Variants in ASF1B observed in about 807,000 individuals in gnomAD.
ASF1B encodes the protein histone chaperone ASF1B.
A neutral mutation model predicts 16.6 loss-of-function variants in ASF1B; 10 were observed. That is an observed-to-expected ratio of 0.60 (90% CI 0.37 to 1.02). The LOEUF (loss-of-function observed/expected upper bound fraction) is 1.02. ASF1B is among the 50% of genes least tolerant of loss of function. The probability of loss-of-function intolerance (pLI) is 0.01; values close to 1 mark genes in which losing one functional copy is unlikely to be tolerated. For missense variants in ASF1B, 240 were observed against 266.0 expected (o/e 0.90, Z 0.68); for synonymous variants, 101 against 106.2 (o/e 0.95, Z 0.30).
chr19:14,129,678 C>CAAAAAAAAAAA lies in ASF1B; in HGVS notation c.110-3452_110-3442dup, dbSNP rs549023648. 2.9e-4 allele frequency among the ~76,000 whole-genome samples: 10 copies of CAAAAAAAAAAA among 34,620 alleles called. 1 individual carries two copies. The highest frequency in any genetic ancestry group is 5.3e-4 in the Admixed American group (1 of 1,900). 22.7% of individuals were successfully genotyped at this position (34,620 alleles called of 152,430 possible). ...CCTGGGCAACAGAGCCAGCCTCCGTCAAAAAAAAAAAAAAAAAAAAAAAAA... is the reference window on the plus strand; with the variant it reads ...CCTGGGCAACAGAGCCAGCCTCCGTCAAAAAAAAAAAAAAAAAAAAAAAAAAAAAAAAAAAA... On this transcript the variant is annotated intron_variant, in intron 1 of 3. Transcript: ENST00000263382.
rs1481819416 is a variant in ASF1B, at chr19:14,136,280, G to A, written c.109+68C>T. 3.4e-5 allele frequency: 48 copies of A among 1,392,886 alleles called. No individual in the cohort carries two copies. The Admixed American group carries it at 6.0e-4, about 18-fold the overall frequency. The allele number at this position is 1,392,886 out of a possible 1,614,324, so 86.3% of individuals were successfully genotyped here. ...ATGGGGGAGATCAAGTTGGCCATGG[G>A]AGCGGTTCTCTGAGGGGAGGCCGGG... On this transcript the variant is annotated intron_variant, in intron 1 of 3. Coordinates refer to ENST00000263382, the MANE Select transcript of ASF1B (RefSeq NM_018154.3).
chr19:14,128,510 C>T (rs777249600), intron 1 of ASF1B, among the ~76,000 whole-genome samples: 3 of 152,142 alleles, frequency 2.0e-5, no homozygotes, highest in Non-Finnish European at 4.4e-5. Flanking sequence ...GGTCTCGGTC[C>T]GTCACCCAGG....
Position 14,126,271 on chromosome 19 carries a change from T to C in ASF1B, c.110-34A>G, listed in dbSNP as rs376931561. ...ATATAGGAGGGTTAACTAATTGAAA[T>C]AGCTCAACAGCAAGAAGGCAGGGAT... On this transcript the variant is annotated intron_variant, in intron 1 of 3. Transcript: ENST00000263382. 3 of 1,499,360 alleles carry C rather than the reference T, an allele frequency of 2.0e-6. No homozygotes were observed. In the East Asian group the frequency reaches 6.8e-5, roughly 34 times the overall value. The allele number at this position is 1,499,360 out of a possible 1,614,324, so 92.9% of individuals were successfully genotyped here.
At chr19:14,124,081 G>C (rs560178833) in intron 2 of ASF1B, among the ~76,000 whole-genome samples, 1 of 151,986 alleles carries the variant, frequency 6.6e-6, no homozygotes, top group Non-Finnish European at 1.5e-5. Flanking sequence ...TGTGAGCCAT[G>C]GCACCTGGCC....
intron 3 of ASF1B, 61 bp downstream of exon 3, chr19:14,121,471 G>C: frequency 6.5e-7 from 1 of 1,548,312 alleles, no homozygotes; most frequent in South Asian, 1.2e-5. Flanking sequence ...TTGAATGGCT[G>C]AACTCCCCCC....
chr19:14,125,727 A>AT (rs1967307807), intron 2 of ASF1B, among the ~76,000 whole-genome samples: 3 of 151,944 alleles, frequency 2.0e-5, no homozygotes, highest in Non-Finnish European at 4.4e-5. Flanking sequence ...TGATTTTTAC[A>AT]TTTTTTGTAG....
chr19:14,134,015 A>G (rs1967448205), intron 1 of ASF1B, among the ~76,000 whole-genome samples: 1 of 151,930 alleles, frequency 6.6e-6, no homozygotes, highest in Admixed American at 6.6e-5. Context: ...CGTGTTAGCC[A>G]GGATGGTCTC....
rs1599355353 is a variant in ASF1B, at chr19:14,119,981, A to G, written c.*478T>C. 6.4e-6 allele frequency: 1 copy of G among 155,844 alleles called. No individual in the cohort carries two copies. Among genetic ancestry groups the G allele is most frequent in the Admixed American group, 6.5e-5 (1 of 15,306 alleles). 9.7% of individuals were successfully genotyped at this position (155,844 alleles called of 1,614,324 possible). On this transcript the variant is annotated 3_prime_UTR_variant, in exon 4 of 4. Transcript: ENST00000263382. The stretch of plus-strand genomic sequence containing the variant: ...CAGGACAGAAATGGGATCTAAGTCT[A>G]CCTACTAACTAACATTCCCGCCTGT...
At chr19:14,134,164 C>CG (rs1333481161) in intron 1 of ASF1B, among the ~76,000 whole-genome samples, 3 of 152,122 alleles carry the variant, frequency 2.0e-5, no homozygotes, top group African/African-American at 7.2e-5. Flanking sequence ...CTCCTGCCGT[C>CG]GGGGAGCTGG....
rs552994726 is a variant in ASF1B at position 14,135,038 on chromosome 19, A to G, written c.109+1310T>C. ...CAGGAGTTCGAGACCAACCTGGCTAACATGGTGAAACGCTGCCTCCACTAA... is the reference window on the plus strand; with the variant it reads ...CAGGAGTTCGAGACCAACCTGGCTAGCATGGTGAAACGCTGCCTCCACTAA... On this transcript the variant is annotated intron_variant, in intron 1 of 3. Transcript: ENST00000263382. 9.9e-4 allele frequency among the ~76,000 whole-genome samples: 151 copies of G among 152,234 alleles called. 2 individuals carry two copies. Among genetic ancestry groups the G allele is most frequent in the African/African-American group, 3.5e-3 (146 of 41,552 alleles).
At chr19:14,127,520 G>T (rs534062710) in intron 1 of ASF1B, among the ~76,000 whole-genome samples, 10 of 152,208 alleles carry the variant, frequency 6.6e-5, no homozygotes, top group Admixed American at 1.3e-4. Flanking sequence ...GCAGGAGGGG[G>T]AAGGTGAGGT....
intron 1 of ASF1B, among the ~76,000 whole-genome samples, chr19:14,127,487 C>T (rs557561167): frequency 1.2e-3 from 184 of 152,270 alleles, no homozygotes; most frequent in Middle Eastern, 3.4e-3. Flanking sequence ...TGGCAGATTC[C>T]AATCCGGCAG....
rs1224260293 is a variant in ASF1B, at chr19:14,126,194, C to G, written c.153G>C (p.Glu51Asp). 10 of 1,613,512 alleles carry G rather than the reference C, an allele frequency of 6.2e-6. No individual in the cohort carries two copies. The highest frequency in any genetic ancestry group is 2.7e-5 in the African/African-American group (2 of 74,902). ...KIIYVGSAES[E>D]EFDQILDSVL... ...CCGAGTCTAGGATCTGATCAAATTC[C>G]TCACTCTCAGCCGAGCCAACATAAA... The change falls in exon 2 of 4, where the codon GAG (glutamate) becomes GAC (aspartate). Residue 51 changes from glutamate to aspartate, a missense_variant. Physicochemically the swap from Glu to Asp is conservative, Grantham distance 45 (BLOSUM62 2). Transcript: ENST00000263382.
At chr19:14,123,422 C>T (rs1371903615) in intron 2 of ASF1B, among the ~76,000 whole-genome samples, 8 of 147,472 alleles carry the variant, frequency 5.4e-5, no homozygotes, top group African/African-American at 2.0e-4. Context: ...CACTGTCACC[C>T]AGGCTGGAGT....
rs770851444 is a variant in ASF1B, at chr19:14,122,092, G to A, written c.226-384C>T. ...ATTACAGGTGCCCACCACCATGCCC[G>A]GCTAATTTTTGTATTTTTAGTAGAG... On this transcript the variant is annotated intron_variant, in intron 2 of 3. Transcript: ENST00000263382. Among the ~76,000 whole-genome samples, 21 of 151,958 alleles carry A rather than the reference G, an allele frequency of 1.4e-4. 1 individual carries two copies. Among genetic ancestry groups the A allele is most frequent in the Non-Finnish European group, 2.4e-4 (16 of 67,964 alleles).
intron 2 of ASF1B, among the ~76,000 whole-genome samples, chr19:14,125,078 C>T (rs1297719360): frequency 3.9e-5 from 6 of 152,064 alleles, no homozygotes; most frequent in Admixed American, 6.6e-5. Context: ...GCGATTCTCC[C>T]GCCGCAGCCT....
intron 1 of ASF1B, among the ~76,000 whole-genome samples, chr19:14,135,998 G>A (rs1350642831): frequency 6.6e-6 from 1 of 151,732 alleles, no homozygotes; most frequent in Non-Finnish European, 1.5e-5. Context: ...AGATGGATGA[G>A]GTTCCCCACG....
intron 2 of ASF1B, among the ~76,000 whole-genome samples, chr19:14,123,786 AT>A (rs1247010220): frequency 0.012 from 1,242 of 107,634 alleles, 13 homozygotes; most frequent in African/African-American, 0.031. Flanking sequence ...AAGCGAGCCT[AT>A]TTTTTTTTTT....
intron 2 of ASF1B, among the ~76,000 whole-genome samples, chr19:14,125,045 C>A (rs991886796): frequency 1.3e-5 from 2 of 152,168 alleles, no homozygotes; most frequent in Admixed American, 6.6e-5. Flanking sequence ...CAGCTCACTG[C>A]AATCTCCATC....
Sources: gnomAD v4.1 joint callset for allele counts (sites outside exome capture counted in the v4.1 genomes callset) on GRCh38, gnomAD v4.1.1 for gene constraint, MANE v1.5 for transcripts, NCBI Gene and HGNC (gene_info 2026-07-23, HGNC 2026-07-21) for gene names.